ZBTB20: variants seen among roughly 807,000 people sequenced by gnomAD.
The protein encoded by ZBTB20 is zinc finger and BTB domain containing 20.
In ZBTB20, 9 loss-of-function variants were observed where a neutral mutation model predicts 56.9. The ratio of observed to expected loss-of-function variants is 0.16; its 90% CI spans 0.10 to 0.28. The LOEUF is 0.28. Ranked by LOEUF, ZBTB20 falls within the 10% of genes least tolerant of loss-of-function variation. The pLI is 1.00. For synonymous variants in ZBTB20, 417 were observed against 420.7 expected (o/e 0.99, Z 0.11); for missense variants, 655 against 1,003.0 (o/e 0.65, Z 4.69).
intron 4 of ZBTB20, among the ~76,000 whole-genome samples, chr3:114,802,736 A>G (rs190337714): frequency 3.9e-5 from 6 of 152,078 alleles, no homozygotes; most frequent in Admixed American, 1.3e-4. Flanking sequence ...TCTCTGAAAA[A>G]TGATTCAGAA....
chr3:114,718,392 T>A (rs2064662258), intron 5 of ZBTB20, among the ~76,000 whole-genome samples: 1 of 152,152 alleles, frequency 6.6e-6, no homozygotes, highest in Non-Finnish European at 1.5e-5. Context: ...CTACCAGTAC[T>A]CCATCTTCTG....
intron 3 of ZBTB20, among the ~76,000 whole-genome samples, chr3:114,951,127 T>C (rs2077052331): frequency 6.6e-6 from 1 of 152,150 alleles, no homozygotes; most frequent in Non-Finnish European, 1.5e-5. Context: ...TTGTGAAAAT[T>C]CACTTACCTA....
At chr3:114,773,070 A>G (rs2069333931) in intron 5 of ZBTB20, among the ~76,000 whole-genome samples, 1 of 152,218 alleles carries the variant, frequency 6.6e-6, no homozygotes, top group Admixed American at 6.5e-5. Flanking sequence ...GCAAGGATCT[A>G]AAGATGGTTC....
At chr3:114,479,296 TA>T (rs905395482) in intron 7 of ZBTB20, among the ~76,000 whole-genome samples, 12 of 151,536 alleles carry the variant, frequency 7.9e-5, no homozygotes, top group East Asian at 1.9e-4. Context: ...GAAGGACTTA[TA>T]AAAAAAAATC....
chr3:115,105,596 A>G (rs921182610), intron 1 of ZBTB20, among the ~76,000 whole-genome samples: 1 of 152,172 alleles, frequency 6.6e-6, no homozygotes, highest in South Asian at 2.1e-4. Flanking sequence ...ATAGCTCTCA[A>G]TACGTTCAAT....
intron 4 of ZBTB20, among the ~76,000 whole-genome samples, chr3:114,806,266 C>T (rs1437897838): frequency 1.3e-5 from 2 of 151,970 alleles, no homozygotes; most frequent in Admixed American, 1.3e-4. Context: ...TACTATCTGT[C>T]TTTATTACAG....
intron 2 of ZBTB20, among the ~76,000 whole-genome samples, chr3:114,997,650 A>G (rs2079081018): frequency 6.6e-6 from 1 of 151,828 alleles, no homozygotes; most frequent in Admixed American, 6.6e-5. Context: ...AAGACATAGA[A>G]AAGATAAAAT....
At chr3:114,402,494 TA>T in intron 7 of ZBTB20, among the ~76,000 whole-genome samples, 1 of 152,290 alleles carries the variant, frequency 6.6e-6, no homozygotes, top group Non-Finnish European at 1.5e-5. Flanking sequence ...TACTGTTCTC[TA>T]ATGGTCTTTG....
chr3:114,510,728 AT>A (rs2045264443), intron 6 of ZBTB20, among the ~76,000 whole-genome samples: 1 of 152,124 alleles, frequency 6.6e-6, no homozygotes, highest in South Asian at 2.1e-4. Flanking sequence ...CATGTCATTC[AT>A]TTAACTTCTT....
At chr3:114,970,483 T>G (rs1030179788) in intron 3 of ZBTB20, among the ~76,000 whole-genome samples, 1 of 152,246 alleles carries the variant, frequency 6.6e-6, no homozygotes, top group South Asian at 2.1e-4. Context: ...TGTTCGTGCT[T>G]CTTCTTAATA....
At chr3:114,629,652 C>A (rs995914831) in intron 6 of ZBTB20, among the ~76,000 whole-genome samples, 1 of 152,008 alleles carries the variant, frequency 6.6e-6, no homozygotes, top group Non-Finnish European at 1.5e-5. Context: ...CTAATCTGTT[C>A]TATAAAAAGA....
chr3:114,718,698 G>GA (rs926782594), intron 5 of ZBTB20, among the ~76,000 whole-genome samples: 4 of 151,594 alleles, frequency 2.6e-5, no homozygotes, highest in Non-Finnish European at 4.4e-5. Flanking sequence ...ATTTTCTTAA[G>GA]AAAAAAAAGG....
chr3:114,647,575 A>G (rs1008350663), intron 6 of ZBTB20, among the ~76,000 whole-genome samples: 1 of 152,236 alleles, frequency 6.6e-6, no homozygotes, highest in Non-Finnish European at 1.5e-5. Flanking sequence ...TCAGTCAGCC[A>G]TCAATTTAAA....
chr3:114,493,573 C>G (rs2042970103), intron 7 of ZBTB20, among the ~76,000 whole-genome samples: 1 of 152,162 alleles, frequency 6.6e-6, no homozygotes, highest in African/African-American at 2.4e-5. Context: ...ACCTTTTTCT[C>G]TCTGTGCAGC....
chr3:114,439,219 AAAG>A lies in ZBTB20; in HGVS notation c.-254-50117_-254-50115del, dbSNP rs76415077. Among the ~76,000 whole-genome samples, 911 of 152,194 alleles carry A rather than the reference AAAG, an allele frequency of 6.0e-3. 6 individuals carry two copies. The highest frequency in any genetic ancestry group is 0.011 in the Non-Finnish European group (716 of 68,008). On this transcript the variant is annotated intron_variant, in intron 7 of 11. Coordinates refer to ENST00000675478, the MANE Select transcript of ZBTB20 (RefSeq NM_001348800.3). ...CAACAAAACAAGCAGAAGTCACTAA[AAAG>A]AAGCTGAGTCCCCTGGATGAAAGTC...
intron 7 of ZBTB20, among the ~76,000 whole-genome samples, chr3:114,446,735 G>A (rs1014749264): frequency 6.6e-6 from 1 of 152,134 alleles, no homozygotes; most frequent in African/African-American, 2.4e-5. Context: ...TTTGGCCTAC[G>A]GCGGCTGCTT....
intron 4 of ZBTB20, among the ~76,000 whole-genome samples, chr3:114,802,356 G>A (rs1225533605): frequency 3.3e-5 from 5 of 151,688 alleles, no homozygotes; most frequent in African/African-American, 1.2e-4. Flanking sequence ...TGGGATTCCT[G>A]TTTTCTTTTT....
rs971905423 is a variant in ZBTB20 at position 114,316,804 on chromosome 3, C to T, written c.*22201G>A. ...TGGGTTTGGTCATGCTGGGGGCTGA[C>T]GTGGCAGTGCCAGGCTCGTGCCTGA... On this transcript the variant is annotated 3_prime_UTR_variant, in exon 12 of 12. Transcript: ENST00000675478. The T allele has an allele frequency of 7.0e-6, 2 of 285,366 alleles. No individual in the cohort carries two copies. Among genetic ancestry groups the T allele is most frequent in the Admixed American group, 9.8e-5 (2 of 20,510 alleles). 17.7% of individuals were successfully genotyped at this position (285,366 alleles called of 1,614,324 possible). A position where few individuals can be genotyped will look rare whatever the true frequency, so the allele number is the denominator to read the frequency against.
At chr3:114,908,294 A>G (rs1292391652) in intron 3 of ZBTB20, among the ~76,000 whole-genome samples, 1 of 152,010 alleles carries the variant, frequency 6.6e-6, no homozygotes, top group Non-Finnish European at 1.5e-5. Flanking sequence ...CAAATACATA[A>G]AAGTTTTAAA....
Sources: allele counts gnomAD v4.1 joint callset (sites outside exome capture counted in the v4.1 genomes callset), GRCh38; gene constraint gnomAD v4.1.1; transcripts MANE v1.5; gene names NCBI Gene and HGNC (gene_info 2026-07-23, HGNC 2026-07-21).